Variants in SH3KBP1 observed in about 807,000 individuals in gnomAD.
The protein encoded by SH3KBP1 is SH3 domain containing kinase binding protein 1.
Under a neutral mutation model 50.1 loss-of-function variants are expected in SH3KBP1, and 8 were observed. That is an observed-to-expected ratio of 0.16 (90% CI 0.09 to 0.29). The LOEUF is 0.29. SH3KBP1 is among the 10% of genes least tolerant of loss of function. SH3KBP1 has a pLI of 1.00. For missense variants in SH3KBP1, 377 were observed against 535.2 expected (o/e 0.70, Z 2.92); for synonymous variants, 227 against 218.6 (o/e 1.04, Z -0.34).
chrX:19,689,608 T>A (rs1235306842), intron 5 of SH3KBP1, among the ~76,000 whole-genome samples: 1 of 111,599 alleles, frequency 9.0e-6, no homozygotes, highest in African/African-American at 3.3e-5. Context: ...CACATAGGTG[T>A]CCTGTGTGAA....
intron 3 of SH3KBP1, among the ~76,000 whole-genome samples, chrX:19,734,499 C>CATTTTTTT (rs1399014294): frequency 9.0e-6 from 1 of 111,623 alleles, no homozygotes; most frequent in Admixed American, 9.5e-5. Context: ...ATTTTAACCC[C>CATTTTTTT]AATTTGTGTT....
At chrX:19,627,436 T>C (rs1318690275) in intron 8 of SH3KBP1, among the ~76,000 whole-genome samples, 1 of 111,992 alleles carries the variant, frequency 8.9e-6, no homozygotes, top group Non-Finnish European at 1.9e-5. Context: ...TGAGCACAAA[T>C]CAGGAAGGCA....
intron 2 of SH3KBP1, among the ~76,000 whole-genome samples, chrX:19,778,561 C>T (rs992824956): frequency 1.8e-5 from 2 of 111,066 alleles, no homozygotes; most frequent in African/African-American, 6.6e-5. Context: ...ACACAAGTCC[C>T]GACCTCTTCA....
intron 4 of SH3KBP1, among the ~76,000 whole-genome samples, chrX:19,702,302 T>C (rs886655724): frequency 1.8e-5 from 2 of 111,774 alleles, no homozygotes; most frequent in Non-Finnish European, 3.8e-5. Flanking sequence ...CCCACAAAAG[T>C]TGTCTGACTG....
intron 12 of SH3KBP1, among the ~76,000 whole-genome samples, chrX:19,573,015 G>A (rs1442313597): frequency 9.0e-6 from 1 of 111,492 alleles, no homozygotes; most frequent in Admixed American, 9.6e-5. Context: ...GCTGGAACAT[G>A]GCAGGGACTC....
At chrX:19,847,648 G>A (rs759126308) in intron 1 of SH3KBP1, among the ~76,000 whole-genome samples, 42 of 112,105 alleles carry the variant, frequency 3.7e-4, no homozygotes, top group Non-Finnish European at 6.2e-4. Context: ...ATTAGGGAGG[G>A]TGCATTTCAC....
At chrX:19,828,359 CAT>C (rs1278408346) in intron 2 of SH3KBP1, among the ~76,000 whole-genome samples, 2 of 111,163 alleles carry the variant, frequency 1.8e-5, no homozygotes, top group African/African-American at 3.3e-5. Context: ...AACTTTGACA[CAT>C]GTTCTTTGTA....
intron 8 of SH3KBP1, among the ~76,000 whole-genome samples, chrX:19,612,281 G>C (rs923293626): frequency 4.5e-5 from 5 of 111,861 alleles, no homozygotes; most frequent in Non-Finnish European, 7.5e-5. Context: ...TTGTTTATTT[G>C]AGACAGAGGC....
At chrX:19,719,991 C>A (rs995549420) in intron 3 of SH3KBP1, among the ~76,000 whole-genome samples, 4 of 109,887 alleles carry the variant, frequency 3.6e-5, no homozygotes, top group African/African-American at 1.3e-4. Context: ...GGTTTTCTCA[C>A]GTATAAAATT....
intron 9 of SH3KBP1, among the ~76,000 whole-genome samples, chrX:19,603,089 A>T (rs1472908016): frequency 1.8e-5 from 2 of 112,425 alleles, no homozygotes; most frequent in East Asian, 5.6e-4. Context: ...GTCAGTCATG[A>T]AAACAAAGAC....
At chrX:19,747,374 C>A (rs2064946384) in intron 2 of SH3KBP1, among the ~76,000 whole-genome samples, 1 of 111,986 alleles carries the variant, frequency 8.9e-6, no homozygotes, top group Non-Finnish European at 1.9e-5. Flanking sequence ...CTAGGCTTGT[C>A]TGAATCCATA....
At chrX:19,631,050 G>A (rs902539463) in intron 8 of SH3KBP1, among the ~76,000 whole-genome samples, 1 of 111,691 alleles carries the variant, frequency 9.0e-6, no homozygotes, top group African/African-American at 3.3e-5. Context: ...AGGCAGCCAC[G>A]ATGATCTCCC....
intron 2 of SH3KBP1, among the ~76,000 whole-genome samples, chrX:19,795,181 C>A (rs1170863368): frequency 9.0e-6 from 1 of 111,382 alleles, no homozygotes; most frequent in Non-Finnish European, 1.9e-5. Flanking sequence ...TTACAGAACC[C>A]ATACATTATG....
intron 7 of SH3KBP1, among the ~76,000 whole-genome samples, chrX:19,636,779 A>G (rs766624959): frequency 1.8e-5 from 2 of 112,213 alleles, no homozygotes; most frequent in Non-Finnish European, 3.8e-5. Flanking sequence ...ACATATACAC[A>G]GAAGGAAATA....
chrX:19,685,530 C>G (rs1470680653), intron 5 of SH3KBP1, among the ~76,000 whole-genome samples: 4 of 111,519 alleles, frequency 3.6e-5, no homozygotes, highest in Non-Finnish European at 5.7e-5. Context: ...GAATGGGGAA[C>G]AGCCCACAAC....
chrX:19,868,938 G>T (rs1293416362), intron 1 of SH3KBP1, among the ~76,000 whole-genome samples: 1 of 110,235 alleles, frequency 9.1e-6, no homozygotes, highest in Non-Finnish European at 1.9e-5. Context: ...TCACAGATTT[G>T]ATTAAGGATC....
At chrX:19,694,709 T>C (rs1191988319) in intron 5 of SH3KBP1, among the ~76,000 whole-genome samples, 1 of 111,597 alleles carries the variant, frequency 9.0e-6, no homozygotes, top group Non-Finnish European at 1.9e-5. Context: ...ATCAGACACT[T>C]GTCTAATCAT....
intron 9 of SH3KBP1, among the ~76,000 whole-genome samples, chrX:19,602,436 G>A (rs1381583404): frequency 8.9e-6 from 1 of 111,792 alleles, no homozygotes; most frequent in Non-Finnish European, 1.9e-5. Context: ...ATACCATCTG[G>A]GTGGCTTTGA....
chrX:19,695,581 C>T, intron 5 of SH3KBP1, 31 bp downstream of exon 5: 1 of 1,206,408 alleles, frequency 8.3e-7, no homozygotes, highest in Non-Finnish European at 1.1e-6. Flanking sequence ...TCCCCCGCCC[C>T]TCTCCTGCTT....
Sources: gnomAD v4.1 joint callset for allele counts (sites outside exome capture counted in the v4.1 genomes callset) on GRCh38, gnomAD v4.1.1 for gene constraint, MANE v1.5 for transcripts, NCBI Gene and HGNC (gene_info 2026-07-23, HGNC 2026-07-21) for gene names.